The following GLO1 variants were observed in gnomAD, a reference collection of about 807,000 sequenced individuals.
GLO1 encodes the protein lactoylglutathione lyase.
GLO1 carries 28 observed loss-of-function variants against 26.0 expected under a neutral mutation model. The ratio of observed to expected loss-of-function variants is 1.08; its 90% CI spans 0.80 to 1.48. The LOEUF (loss-of-function observed/expected upper bound fraction) is 1.48, where lower values mean the gene tolerates loss of function less well. Among genes scored for constraint, GLO1 ranks in the 40% most tolerant of loss-of-function variants. The probability of loss-of-function intolerance (pLI) is 0.00; values close to 1 mark genes in which losing one functional copy is unlikely to be tolerated. For missense variants in GLO1, 225 were observed against 224.8 expected (o/e 1.00, Z -0.01); for synonymous variants, 78 against 77.6 (o/e 1.00, Z -0.03).
chr6:38,692,734 A>T (rs923895112), intron 1 of GLO1, among the ~76,000 whole-genome samples: 1 of 151,852 alleles, frequency 6.6e-6, no homozygotes, highest in African/African-American at 2.4e-5. Flanking sequence ...CTTAAAAAAA[A>T]TAATGAATGA....
At chr6:38,677,462 G>A (rs1761272011) in intron 5 of GLO1, 79 bp from the exon 6 acceptor site, 2 of 732,572 alleles carry the variant, frequency 2.7e-6, no homozygotes, top group South Asian at 3.0e-5. Context: ...TTTGAGACAA[G>A]GTCTTGCTCT....
At chr6:38,678,353 AGAAG>A (rs1206100979) in intron 5 of GLO1, among the ~76,000 whole-genome samples, 3 of 140,354 alleles carry the variant, frequency 2.1e-5, no homozygotes, top group South Asian at 2.3e-4. Context: ...AGAGAAAGAG[AGAAG>A]GAAGGAAGGA....
At chr6:38,679,347 G>T (rs529178169) in intron 5 of GLO1, among the ~76,000 whole-genome samples, 1 of 151,982 alleles carries the variant, frequency 6.6e-6, no homozygotes, top group Admixed American at 6.6e-5. Context: ...ACCCAGGCTG[G>T]AATGCAATGG....
chr6:38,682,803 C>T lies in GLO1; in HGVS notation c.376+5G>A, dbSNP rs1323042457. On this transcript the variant is annotated splice_donor_5th_base_variant and intron_variant, in intron 4 of 5. Transcript: ENST00000373365. ...CATATATCACATAAAAACAGGCAAACTTACCGAATCCTCGAGGGTCTGAAT... is the reference window on the plus strand; with the variant it reads ...CATATATCACATAAAAACAGGCAAATTTACCGAATCCTCGAGGGTCTGAAT... The T allele has an allele frequency of 3.9e-6, 6 of 1,558,362 alleles. No individual in the cohort carries two copies. Among genetic ancestry groups the T allele is most frequent in the African/African-American group, 1.4e-5 (1 of 73,702 alleles).
chr6:38,702,932 C>G (rs2277109), intron 1 of GLO1, 39 bp downstream of exon 1: 1 of 1,178,230 alleles, frequency 8.5e-7, no homozygotes, highest in Middle Eastern at 2.1e-4. Flanking sequence ...CCCGGCCCAG[C>G]GGAGCTGGGG....
chr6:38,700,430 CTGAGA>C (rs988357735), intron 1 of GLO1, among the ~76,000 whole-genome samples: 1 of 152,206 alleles, frequency 6.6e-6, no homozygotes, highest in African/African-American at 2.4e-5. Context: ...TAGCAGCTCT[CTGAGA>C]TATCTTTATG....
At chr6:38,680,390 G>A (rs1458218608) in intron 5 of GLO1, among the ~76,000 whole-genome samples, 1 of 151,944 alleles carries the variant, frequency 6.6e-6, no homozygotes, top group African/African-American at 2.4e-5. Context: ...GCACGGTGGT[G>A]CATGCCTGTA....
intron 2 of GLO1, among the ~76,000 whole-genome samples, chr6:38,685,647 T>C (rs1390062489): frequency 6.6e-6 from 1 of 152,216 alleles, no homozygotes; most frequent in Non-Finnish European, 1.5e-5. Flanking sequence ...AACATGTTTA[T>C]AATAAAGTAT....
chr6:38,684,312 A>G, intron 3 of GLO1, 62 bp downstream of exon 3: 1 of 867,238 alleles, frequency 1.2e-6, no homozygotes. Context: ...AAAACAAAAA[A>G]GATTTTTAAA....
chr6:38,696,828 A>G (rs1258217294), intron 1 of GLO1, among the ~76,000 whole-genome samples: 1 of 152,210 alleles, frequency 6.6e-6, no homozygotes, highest in Admixed American at 6.5e-5. Flanking sequence ...CGACCTTAAT[A>G]AGACTGAGAC....
rs1761390681 is a variant in GLO1 at position 38,682,119 on chromosome 6, G to GA, written c.377-19dup. ...AATATGACCTTACGTGATACCCCCC[G>GA]AAAAAAGCAGAGAGAAGGAAGAAAT... is the stretch of plus-strand genomic sequence containing the variant. On this transcript the variant is annotated intron_variant, in intron 4 of 5. Coordinates refer to ENST00000373365, the MANE Select transcript of GLO1 (RefSeq NM_006708.3). 3.9e-6 allele frequency: 5 copies of GA among 1,283,728 alleles called. No individual in the cohort carries two copies. Among genetic ancestry groups the GA allele is most frequent in the East Asian group, 2.3e-5 (1 of 43,418 alleles). 79.5% of individuals were successfully genotyped at this position (1,283,728 alleles called of 1,614,324 possible). A position where few individuals can be genotyped will look rare whatever the true frequency, so the allele number is the denominator to read the frequency against.
intron 2 of GLO1, among the ~76,000 whole-genome samples, chr6:38,685,299 G>C (rs1180608432): frequency 6.6e-6 from 1 of 152,198 alleles, no homozygotes; most frequent in Non-Finnish European, 1.5e-5. Flanking sequence ...AGGGGAAAGA[G>C]ACAGTAGAAG....
intron 1 of GLO1, among the ~76,000 whole-genome samples, chr6:38,701,324 A>G (rs1761695220): frequency 6.6e-6 from 1 of 152,094 alleles, no homozygotes; most frequent in Non-Finnish European, 1.5e-5. Flanking sequence ...GGCCTGGCAC[A>G]CTCAATATAT....
chr6:38,703,058 T>A lies in GLO1; in HGVS notation c.-4A>T. 6 of 1,550,668 alleles carry A rather than the reference T, an allele frequency of 3.9e-6. No individual in the cohort carries two copies. The highest frequency in any genetic ancestry group is 5.3e-6 in the Non-Finnish European group (6 of 1,127,088). ...ACGGGGGCTGCGGTTCTGCCATGGC[T>A]GCGCTGCAGTATCACAGACGACGGG... is the stretch of plus-strand genomic sequence containing the variant. On this transcript the variant is annotated 5_prime_UTR_variant, in exon 1 of 6. Transcript: ENST00000373365.
intron 1 of GLO1, among the ~76,000 whole-genome samples, chr6:38,695,355 A>ATATATGTATATACATATACCCATG (rs1278069851): frequency 2.6e-5 from 4 of 152,218 alleles, no homozygotes; most frequent in South Asian, 2.1e-4. Context: ...ACATACATGT[A>ATATATGTATATACATATACCCATG]TATATGTATA....
intron 1 of GLO1, among the ~76,000 whole-genome samples, chr6:38,687,354 G>T (rs761063432): frequency 5.9e-5 from 9 of 151,600 alleles, no homozygotes; most frequent in Non-Finnish European, 1.0e-4. Context: ...ACTCTGCAGA[G>T]CTCTCTGTGA....
chr6:38,684,227 G>GA (rs1208306632), intron 3 of GLO1, 147 bp downstream of exon 3: 2 of 345,366 alleles, frequency 5.8e-6, no homozygotes, highest in Non-Finnish European at 1.0e-5. Flanking sequence ...AAAGATGCAT[G>GA]AAAAACACTT....
chr6:38,697,432 C>T (rs771196802), intron 1 of GLO1, among the ~76,000 whole-genome samples: 3 of 152,172 alleles, frequency 2.0e-5, no homozygotes, highest in Non-Finnish European at 2.9e-5. Context: ...ATGAGAATCA[C>T]CCTAGGGCAG....
At chr6:38,686,830 ACT>A in intron 2 of GLO1, 60 bp downstream of exon 2, 3 of 931,950 alleles carry the variant, frequency 3.2e-6, no homozygotes, top group Non-Finnish European at 5.1e-6. Context: ...GTCTGAAAAC[ACT>A]CTCTAGATTT....
Sources: allele counts gnomAD v4.1 joint callset (sites outside exome capture counted in the v4.1 genomes callset), GRCh38; gene constraint gnomAD v4.1.1; transcripts MANE v1.5; gene names NCBI Gene and HGNC (gene_info 2026-07-23, HGNC 2026-07-21).